Variants in CIT observed in about 807,000 individuals in gnomAD.
CIT encodes the protein citron Rho-interacting kinase.
A neutral mutation model predicts 272.7 loss-of-function variants in CIT; 79 were observed. That is an observed-to-expected ratio of 0.29 (90% CI 0.24 to 0.35). CIT has a LOEUF of 0.35. CIT is among the 10% of genes least tolerant of loss of function. CIT has a pLI of 1.00. For missense variants in CIT, 1,909 were observed against 2,618.3 expected (o/e 0.73, Z 5.91); for synonymous variants, 948 against 995.6 (o/e 0.95, Z 0.90).
At chr12:119,873,068 G>T (rs1950731632) in intron 2 of CIT, among the ~76,000 whole-genome samples, 1 of 151,994 alleles carries the variant, frequency 6.6e-6, no homozygotes, top group African/African-American at 2.4e-5. Context: ...AAAGTACTGG[G>T]ATTACAGGTG....
chr12:119,864,491 A>C (rs909248327), intron 3 of CIT, among the ~76,000 whole-genome samples: 1 of 152,134 alleles, frequency 6.6e-6, no homozygotes, highest in African/African-American at 2.4e-5. Flanking sequence ...GTGCGTCCCC[A>C]TGCCCCAGCT....
At chr12:119,841,757 C>A (rs1287658277) in intron 5 of CIT, among the ~76,000 whole-genome samples, 5 of 151,952 alleles carry the variant, frequency 3.3e-5, no homozygotes, top group African/African-American at 1.2e-4. Context: ...GGAACAGAGA[C>A]ATGAAATGGC....
chr12:119,713,421 G>A lies in CIT; in HGVS notation c.4487+47C>T, dbSNP rs771201681. The A allele has an allele frequency of 2.3e-5, 37 of 1,601,142 alleles. No homozygotes were observed. The highest frequency in any genetic ancestry group is 3.1e-5 in the Non-Finnish European group (36 of 1,171,628). ...CCCTAGAAAACATCAGGGACAGAGT[G>A]GCTTGTGCCAGCACCTGCTCCAGCC... On this transcript the variant is annotated intron_variant, in intron 34 of 47. Coordinates refer to ENST00000392521, the MANE Select transcript of CIT (RefSeq NM_001206999.2). This position sits in a 1 kb window ranked among gnomAD's most constrained non-coding sequence, Gnocchi z 5.2.
intron 47 of CIT, among the ~76,000 whole-genome samples, chr12:119,688,469 C>G (rs2136893270): frequency 6.6e-6 from 1 of 152,374 alleles, no homozygotes; most frequent in Non-Finnish European, 1.5e-5. Flanking sequence ...ACCTGCGATG[C>G]TGTAAGCATG....
At chr12:119,844,117 G>A (rs1437999952) in intron 5 of CIT, among the ~76,000 whole-genome samples, 11 of 151,326 alleles carry the variant, frequency 7.3e-5, no homozygotes, top group Admixed American at 7.3e-4. Flanking sequence ...CACCTCCTGG[G>A]TTCAAGTGAT....
At chr12:119,818,007 C>T (rs1177908640) in intron 9 of CIT, among the ~76,000 whole-genome samples, 1 of 152,048 alleles carries the variant, frequency 6.6e-6, no homozygotes, top group Non-Finnish European at 1.5e-5. Context: ...TTATTATTTG[C>T]CATCATCACA....
rs1162272751 is a variant in CIT at position 119,784,522 on chromosome 12, C to T, written c.1401+438G>A. The stretch of plus-strand genomic sequence containing the variant: ...TGACTTATTAGTTTCCAGAGCGTTG[C>T]CTCTGGGCAGGAACAGTGAATGTTA... On this transcript the variant is annotated intron_variant, in intron 11 of 47. Transcript: ENST00000392521. The surrounding 1 kb of genome is among the most constrained non-coding windows in gnomAD (Gnocchi z 4.7). The T allele has an allele frequency of 8.4e-7, 1 of 1,183,920 alleles. No homozygotes were observed. The highest frequency in any genetic ancestry group is 1.1e-6 in the Non-Finnish European group (1 of 943,752). 73.3% of individuals were successfully genotyped at this position (1,183,920 alleles called of 1,614,324 possible).
At chr12:119,822,554 T>A (rs549990440) in intron 9 of CIT, among the ~76,000 whole-genome samples, 10 of 152,356 alleles carry the variant, frequency 6.6e-5, no homozygotes, top group Admixed American at 2.0e-4. Context: ...ACTCCATTAA[T>A]CTGTGCCTCT....
chr12:119,833,961 T>C, intron 6 of CIT, 125 bp downstream of exon 6: 1 of 999,512 alleles, frequency 1.0e-6, no homozygotes, highest in Non-Finnish European at 1.4e-6. Flanking sequence ...ATTGGTAGAC[T>C]GGCTAAAAAC....
chr12:119,712,978 G>C lies in CIT; in HGVS notation c.4579+225C>G, dbSNP rs1364528710. 1.9e-5 allele frequency: 11 copies of C among 593,282 alleles called. No homozygotes were observed. The highest frequency in any genetic ancestry group is 3.0e-5 in the Non-Finnish European group (10 of 334,670). The allele number at this position is 593,282 out of a possible 1,614,324, so 36.8% of individuals were successfully genotyped here. ...GAAGTTCTCGGAAGGTGTATTAGCA[G>C]GTGGAATCTTCAGGGCAGCGCCCTG... On this transcript the variant is annotated intron_variant, in intron 35 of 47. Coordinates refer to ENST00000392521, the MANE Select transcript of CIT (RefSeq NM_001206999.2). The surrounding 1 kb of genome is among the most constrained non-coding windows in gnomAD (Gnocchi z 5.2).
intron 7 of CIT, among the ~76,000 whole-genome samples, chr12:119,832,021 T>C (rs886949960): frequency 1.3e-5 from 2 of 152,232 alleles, no homozygotes; most frequent in African/African-American, 2.4e-5. Flanking sequence ...AGAGAAAGTA[T>C]AAAAGATCAA....
At chr12:119,727,558 T>C (rs186350442) in intron 28 of CIT, among the ~76,000 whole-genome samples, 41 of 152,190 alleles carry the variant, frequency 2.7e-4, no homozygotes, top group Admixed American at 5.9e-4. Flanking sequence ...CACCACACAA[T>C]TCACCCATGT....
At chr12:119,771,002 C>T (rs1431064208) in intron 17 of CIT, 92 bp from the exon 18 acceptor site, 35 of 1,462,936 alleles carry the variant, frequency 2.4e-5, no homozygotes, top group Non-Finnish European at 2.9e-5. Flanking sequence ...AAGAAGCATA[C>T]ACTCGAGTCA....
intron 10 of CIT, among the ~76,000 whole-genome samples, chr12:119,802,932 A>G (rs1212032323): frequency 6.6e-6 from 1 of 152,186 alleles, no homozygotes; most frequent in Non-Finnish European, 1.5e-5. Context: ...TCCCCTTTAA[A>G]GAAGACCAAA....
At chr12:119,842,493 C>CTGT (rs1969477940) in intron 5 of CIT, among the ~76,000 whole-genome samples, 1 of 151,138 alleles carries the variant, frequency 6.6e-6, no homozygotes, top group Admixed American at 6.6e-5. Context: ...ATGAAGGCAT[C>CTGT]TGTTATGCAG....
At position 119,744,865 on chromosome 12, in the gene CIT, G is replaced by A. The variant is rs59602081; in HGVS notation, c.2905-2401C>T. Among the ~76,000 whole-genome samples, 1,502 of 152,044 alleles carry A rather than the reference G, an allele frequency of 9.9e-3. 24 individuals carry two copies. Among genetic ancestry groups the A allele is most frequent in the African/African-American group, 0.034 (1,427 of 41,482 alleles). The stretch of plus-strand genomic sequence containing the variant: ...TTTAGAAGAAAAGATTAGTGAACTT[G>A]AAGACAAGTAGAAACAAAGAAGTAG... On this transcript the variant is annotated intron_variant, in intron 23 of 47. Coordinates refer to ENST00000392521, the MANE Select transcript of CIT (RefSeq NM_001206999.2).
At chr12:119,826,443 G>A (rs1968166795) in intron 7 of CIT, among the ~76,000 whole-genome samples, 1 of 152,142 alleles carries the variant, frequency 6.6e-6, no homozygotes, top group Non-Finnish European at 1.5e-5. Context: ...CTTTTTTAGT[G>A]TTTAAATGTC....
intron 23 of CIT, among the ~76,000 whole-genome samples, chr12:119,743,288 G>A (rs1959151785): frequency 6.6e-6 from 1 of 152,176 alleles, no homozygotes; most frequent in Non-Finnish European, 1.5e-5. Context: ...GGATGGTCAA[G>A]GAGGGCTTCT....
At chr12:119,781,170 T>G (rs954089606) in intron 13 of CIT, among the ~76,000 whole-genome samples, 70 of 152,320 alleles carry the variant, frequency 4.6e-4, no homozygotes, top group African/African-American at 1.6e-3. Context: ...CAAAGCAGAT[T>G]TCTCAAAGCC....
Sources: allele counts gnomAD v4.1 joint callset (sites outside exome capture counted in the v4.1 genomes callset), GRCh38; gene constraint gnomAD v4.1.1; non-coding constraint Gnocchi (gnomAD v3.1); transcripts MANE v1.5; gene names NCBI Gene and HGNC (gene_info 2026-07-23, HGNC 2026-07-21).